Variants in SPOCK1 observed in about 807,000 individuals in gnomAD.
SPOCK1 encodes testican-1.
In SPOCK1, 23 loss-of-function variants were observed where a neutral mutation model predicts 55.3. The observed-to-expected ratio is 0.42, with a 90% CI of 0.30 to 0.59. The LOEUF is 0.59. SPOCK1 is among the 20% of genes least tolerant of loss of function. The probability of loss-of-function intolerance (pLI) is 0.22; values close to 1 mark genes in which losing one functional copy is unlikely to be tolerated. For synonymous variants in SPOCK1, 226 were observed against 221.0 expected, an observed-to-expected ratio of 1.02 and a Z score of -0.20; for missense variants, 499 against 552.5, an observed-to-expected ratio of 0.90 and a Z score of 0.97.
chr5:137,416,635 T>C (rs1378127679), intron 2 of SPOCK1, among the ~76,000 whole-genome samples: 1 of 152,062 alleles, frequency 6.6e-6, no homozygotes, highest in Non-Finnish European at 1.5e-5. Context: ...ACTGTAACTG[T>C]AACTAAGAAA....
intron 3 of SPOCK1, among the ~76,000 whole-genome samples, chr5:137,264,219 T>A (rs1214627618): frequency 6.6e-6 from 1 of 152,074 alleles, no homozygotes; most frequent in Non-Finnish European, 1.5e-5. Context: ...GTGACATCAT[T>A]TAGCAAGTAT....
At chr5:137,232,060 CT>C (rs1756074227) in intron 3 of SPOCK1, among the ~76,000 whole-genome samples, 1 of 152,178 alleles carries the variant, frequency 6.6e-6, no homozygotes, top group African/African-American at 2.4e-5. Context: ...TGTTTTTTCA[CT>C]CTTGAGTTTT....
At chr5:137,499,018 C>A (rs1451630112) in intron 1 of SPOCK1, among the ~76,000 whole-genome samples, 161 bp downstream of exon 1, 1 of 151,782 alleles carries the variant, frequency 6.6e-6, no homozygotes, top group East Asian at 1.9e-4. Context: ...GGGTCCCCGG[C>A]GACAGCTAAG....
rs77457433 is a variant in SPOCK1 at position 137,414,503 on chromosome 5, T to C, written c.186+83870A>G. Among the ~76,000 whole-genome samples the C allele has an allele frequency of 1.1e-3, 168 of 152,342 alleles. 2 individuals are homozygous for C. The East Asian group carries it at 0.031, about 28-fold the overall frequency. On this transcript the variant is annotated intron_variant, in intron 2 of 10. Coordinates refer to ENST00000394945, the MANE Select transcript of SPOCK1 (RefSeq NM_004598.4). ...CCCTTCTAGAGTAAAGACATCTTTATTAATGATTTTAAAGCCTGAAGAAAC... is the reference window on the plus strand; with the variant it reads ...CCCTTCTAGAGTAAAGACATCTTTACTAATGATTTTAAAGCCTGAAGAAAC...
chr5:137,044,857 T>C (rs1183431644), intron 6 of SPOCK1, among the ~76,000 whole-genome samples: 3 of 143,900 alleles, frequency 2.1e-5, no homozygotes, highest in African/African-American at 7.7e-5. Flanking sequence ...TGTGATCTCA[T>C]TGTTCAATTC....
rs911550824 is a variant in SPOCK1 at position 137,487,217 on chromosome 5, G to A, written c.186+11156C>T. 2.6e-5 allele frequency among the ~76,000 whole-genome samples: 4 copies of A among 151,238 alleles called. No individual in the cohort carries two copies. In the Admixed American group the frequency reaches 2.6e-4, roughly 10 times the overall value. ...GAACATTTGAGAGTTTGTTCAGTGG[G>A]AATAGAATGACTTCAGAATGAGGAA... On this transcript the variant is annotated intron_variant, in intron 2 of 10. Coordinates refer to ENST00000394945, the MANE Select transcript of SPOCK1 (RefSeq NM_004598.4).
intron 2 of SPOCK1, among the ~76,000 whole-genome samples, chr5:137,373,219 C>G (rs1751240765): frequency 6.6e-6 from 1 of 152,122 alleles, no homozygotes; most frequent in African/African-American, 2.4e-5. Context: ...TAAGACAGGC[C>G]TAATGCTAAT....
intron 2 of SPOCK1, among the ~76,000 whole-genome samples, chr5:137,360,824 G>A (rs575729283): frequency 9.8e-5 from 15 of 152,286 alleles, no homozygotes; most frequent in African/African-American, 3.6e-4. Flanking sequence ...GCTTCCTCTG[G>A]GAAGCCTTCA....
chr5:137,104,206 T>C (rs374121693), intron 5 of SPOCK1, among the ~76,000 whole-genome samples: 12 of 152,128 alleles, frequency 7.9e-5, no homozygotes, highest in African/African-American at 2.2e-4. Flanking sequence ...GTGATAAGAG[T>C]TCTCAGGAGA....
chr5:137,397,015 GC>G (rs1751865318), intron 2 of SPOCK1, among the ~76,000 whole-genome samples: 2 of 152,156 alleles, frequency 1.3e-5, no homozygotes. Context: ...TTGAAACAGG[GC>G]CCAGAGATGT....
chr5:137,394,322 T>C (rs1751795184), intron 2 of SPOCK1, among the ~76,000 whole-genome samples: 1 of 152,232 alleles, frequency 6.6e-6, no homozygotes, highest in South Asian at 2.1e-4. Context: ...GTACTTAATG[T>C]CAACTTTTAA....
intron 2 of SPOCK1, among the ~76,000 whole-genome samples, chr5:137,455,561 G>T (rs1156324570): frequency 6.6e-6 from 1 of 152,166 alleles, no homozygotes; most frequent in Admixed American, 6.5e-5. Context: ...CCCTGAGATG[G>T]CCTGGAATAA....
chr5:137,171,688 C>T (rs1369131), intron 3 of SPOCK1, among the ~76,000 whole-genome samples: 3,187 of 152,194 alleles, frequency 0.021, 48 homozygotes, highest in Non-Finnish European at 0.03. Flanking sequence ...GAGAGGAAAA[C>T]CTCACGCTGG....
chr5:137,149,461 T>G (rs1293878644), intron 3 of SPOCK1, among the ~76,000 whole-genome samples: 1 of 152,044 alleles, frequency 6.6e-6, no homozygotes, highest in African/African-American at 2.4e-5. Flanking sequence ...AGGAGAGAGA[T>G]TTACTCAAAA....
At chr5:137,433,876 G>C (rs1272796050) in intron 2 of SPOCK1, among the ~76,000 whole-genome samples, 1 of 152,056 alleles carries the variant, frequency 6.6e-6, no homozygotes, top group Non-Finnish European at 1.5e-5. Flanking sequence ...GAAAAAAATG[G>C]ACAAGGAGAC....
intron 2 of SPOCK1, among the ~76,000 whole-genome samples, chr5:137,478,196 C>T (rs929636797): frequency 9.2e-5 from 14 of 152,064 alleles, no homozygotes; most frequent in Non-Finnish European, 1.0e-4. Flanking sequence ...TGGATAAACA[C>T]GAGGAAAATG....
intron 3 of SPOCK1, among the ~76,000 whole-genome samples, chr5:137,194,660 G>A (rs181249949): frequency 2.0e-5 from 3 of 152,110 alleles, no homozygotes; most frequent in Non-Finnish European, 4.4e-5. Flanking sequence ...CCTCTTTCCC[G>A]GGCACCAGAC....
chr5:137,221,485 A>C (rs1427329765), intron 3 of SPOCK1, among the ~76,000 whole-genome samples: 1 of 152,208 alleles, frequency 6.6e-6, no homozygotes, highest in African/African-American at 2.4e-5. Flanking sequence ...ATATGTTATG[A>C]GGGTGGTTGC....
intron 2 of SPOCK1, among the ~76,000 whole-genome samples, chr5:137,468,520 T>C (rs1753668041): frequency 6.6e-6 from 1 of 152,196 alleles, no homozygotes; most frequent in Admixed American, 6.5e-5. Context: ...ATAGCCACAT[T>C]AACCTGGGCT....
Sources: gnomAD v4.1 joint callset for allele counts (sites outside exome capture counted in the v4.1 genomes callset) on GRCh38, gnomAD v4.1.1 for gene constraint, MANE v1.5 for transcripts, NCBI Gene and HGNC (gene_info 2026-07-23, HGNC 2026-07-21) for gene names.